CFAP74: variants seen among roughly 807,000 people sequenced by gnomAD.
The protein encoded by CFAP74 is cilia- and flagella-associated protein 74.
Under a neutral mutation model 188.9 loss-of-function variants are expected in CFAP74, and 124 were observed. The observed-to-expected ratio is 0.66, with a 90% CI of 0.57 to 0.76. The LOEUF (loss-of-function observed/expected upper bound fraction) is 0.76. CFAP74 is among the 30% of genes least tolerant of loss of function. CFAP74 has a pLI of 0.00. For missense variants in CFAP74, 2,198 were observed against 2,165.2 expected (o/e 1.02, Z -0.30); for synonymous variants, 956 against 916.7 (o/e 1.04, Z -0.77).
At chr1:1,924,101 C>T (rs1651623196) in intron 34 of CFAP74, among the ~76,000 whole-genome samples, 172 bp from the exon 35 acceptor site, 1 of 116,326 alleles carries the variant, frequency 8.6e-6, no homozygotes, top group African/African-American at 3.3e-5. Context: ...TCCAAGCGCC[C>T]ACCCCCCCCA....
chr1:1,952,988 A>G (rs185629356), intron 18 of CFAP74, among the ~76,000 whole-genome samples: 1 of 152,236 alleles, frequency 6.6e-6, no homozygotes, highest in East Asian at 1.9e-4. Context: ...GTTCTCCCCA[A>G]ATTGATCTAT....
chr1:1,964,889 T>C lies in CFAP74; in HGVS notation c.1574A>G (p.Gln525Arg). The C allele has an allele frequency of 6.2e-7, 1 of 1,613,582 alleles. No individual in the cohort carries two copies. Among genetic ancestry groups the C allele is most frequent in the Non-Finnish European group, 8.5e-7 (1 of 1,179,898 alleles). Residue 525 changes from glutamine to arginine, a missense_variant and splice_region_variant, in exon 13 of 39, where the codon CAG becomes CGG. By Grantham distance (43) the Gln-to-Arg change is conservative. Transcript: ENST00000682832. ...FNSKPELLHF[Q>R]DFDIGKVYKK... ...TTCCTGGCCCAGCTGCGGGCTCACC[T>C]GGAAGTGGAGGAGCTCCGGTTTGCT... is the stretch of plus-strand genomic sequence containing the variant.
chr1:1,974,174 G>A lies in CFAP74; in HGVS notation c.525C>T (p.Ile175=). ...GGAAGGCCTCGAGTCGCCCCTCCTG[G>A]ATCTCGATGTGCCACATGGTGTTCC... The part of the protein sequence containing the change: ...ESENTMWHIE[I]QEGRLEAFRT... The change falls in exon 7 of 39, where the codon ATC becomes ATT. Residue 175 remains isoleucine, a synonymous_variant. Transcript: ENST00000682832. 1.2e-6 allele frequency: 2 copies of A among 1,608,402 alleles called. No homozygotes were observed. The highest frequency in any genetic ancestry group is 2.2e-5 in the South Asian group (2 of 90,542).
chr1:1,937,191 A>G (rs1652959877), intron 25 of CFAP74, among the ~76,000 whole-genome samples: 1 of 152,254 alleles, frequency 6.6e-6, no homozygotes, highest in South Asian at 2.1e-4. Flanking sequence ...AGCACTGGGC[A>G]CCAAAGGCGG....
Position 1,944,415 on chromosome 1 carries a change from G to C in CFAP74, c.2402C>G (p.Pro801Arg), listed in dbSNP as rs1448762320. Residue 801 changes from proline to arginine, a missense_variant, in exon 21 of 39, where the codon CCG becomes CGG. Physicochemically the swap from Pro to Arg is moderately radical, Grantham distance 103 (BLOSUM62 -2). Transcript: ENST00000682832. ...CACGCTGGGCTTCGGCACCCAGACC[G>C]GCACATCGATGGCCACGCCCACGAC... ...FRVVGVAIDV[P>R]VWVPKPSVDL... The C allele has an allele frequency of 1.3e-6, 2 of 1,536,080 alleles. No homozygotes were observed. Among genetic ancestry groups the C allele is most frequent in the Non-Finnish European group, 1.7e-6 (2 of 1,146,882 alleles).
Position 1,939,734 on chromosome 1 carries a change from C to CT in CFAP74, c.2736_2737insA (p.Val913SerfsTer22). 1 of 1,536,066 alleles carries CT rather than the reference C, an allele frequency of 6.5e-7. No individual in the cohort carries two copies. Among genetic ancestry groups the CT allele is most frequent in the Non-Finnish European group, 8.7e-7 (1 of 1,146,878 alleles). ...CTGAGCTCCAGGTCCGAGGTGGTGA[C>CT]AATGGCATGCACGGTGAATCCCACT... On this transcript the variant is annotated frameshift_variant, in exon 24 of 39. Transcript: ENST00000682832. LOFTEE classifies it high-confidence loss of function.
intron 1 of CFAP74, among the ~76,000 whole-genome samples, 164 bp from the exon 2 acceptor site, chr1:1,991,139 T>C (rs192985012): frequency 2.6e-4 from 40 of 152,352 alleles, no homozygotes; most frequent in Non-Finnish European, 4.1e-4. Flanking sequence ...CTGGAACACA[T>C]GAAGAGCTCC....
chr1:1,985,403 G>A lies in CFAP74; in HGVS notation c.483C>T (p.Ala161=), dbSNP rs369890588. ...CGACTCACTCGCTCTCCTTCAGCACGGCCTCAGTCCTCGACTGCAGGTCTC... is the reference window on the plus strand; with the variant it reads ...CGACTCACTCGCTCTCCTTCAGCACAGCCTCAGTCCTCGACTGCAGGTCTC... The part of the protein sequence containing the change: ...NERDLQSRTE[A]VLKESENTMW... Residue 161 remains alanine, a synonymous_variant, in exon 6 of 39, where the codon GCC becomes GCT. Transcript: ENST00000682832. 5.0e-4 allele frequency: 801 copies of A among 1,613,836 alleles called. 1 individual carries two copies. The highest frequency in any genetic ancestry group is 6.3e-4 in the Non-Finnish European group (739 of 1,179,930).
intron 33 of CFAP74, among the ~76,000 whole-genome samples, chr1:1,925,014 G>A (rs1480013121): frequency 3.5e-5 from 5 of 141,600 alleles, no homozygotes; most frequent in African/African-American, 8.4e-5. Context: ...GAGGGCACAC[G>A]CTGGTGTGAA....
At chr1:1,948,479 C>G (rs368119405) in intron 18 of CFAP74, among the ~76,000 whole-genome samples, 6 of 150,884 alleles carry the variant, frequency 4.0e-5, no homozygotes, top group African/African-American at 1.5e-4. Flanking sequence ...CCAGGCTGAT[C>G]GCAAACATCT....
intron 18 of CFAP74, 123 bp downstream of exon 18, chr1:1,955,568 C>T (rs1654549624): frequency 6.2e-7 from 1 of 1,611,912 alleles, no homozygotes; most frequent in Non-Finnish European, 8.5e-7. Flanking sequence ...CGTCACTTAA[C>T]ATCGAAGGCC....
intron 20 of CFAP74, among the ~76,000 whole-genome samples, chr1:1,944,659 T>C (rs1369350128): frequency 6.6e-6 from 1 of 152,200 alleles, no homozygotes; most frequent in East Asian, 1.9e-4. Context: ...CAGGCTGGAG[T>C]GCAATGGTGC....
chr1:1,971,287 GCA>G (rs1656027776), intron 9 of CFAP74, among the ~76,000 whole-genome samples: 1 of 141,916 alleles, frequency 7.0e-6, no homozygotes, highest in South Asian at 2.3e-4. Context: ...GCACACACGT[GCA>G]CATACACGCT....
In CFAP74 at chr1:1,944,514, G is replaced by A. The variant is rs1011631071; in HGVS notation, c.2365-62C>T. On this transcript the variant is annotated intron_variant, in intron 20 of 38. Coordinates refer to ENST00000682832, the MANE Select transcript of CFAP74 (RefSeq NM_001304360.2). ...CTTGGGCACAGCAGGCATTGTTGGT[G>A]AGCACTGACACAGCTCCCAGGAGGA... 4.0e-6 allele frequency: 6 copies of A among 1,512,868 alleles called. No individual in the cohort carries two copies. In the African/African-American group the frequency reaches 8.2e-5, roughly 21 times the overall value. The allele number at this position is 1,512,868 out of a possible 1,614,324, so 93.7% of individuals were successfully genotyped here.
At chr1:1,944,114 A>G (rs1460730638) in intron 21 of CFAP74, among the ~76,000 whole-genome samples, 2 of 152,196 alleles carry the variant, frequency 1.3e-5, no homozygotes, top group Non-Finnish European at 2.9e-5. Context: ...GATGCCGTTC[A>G]GGGCCTGGAC....
At position 1,956,710 on chromosome 1, in the gene CFAP74, C is replaced by T. The variant is rs376589597; in HGVS notation, c.1926G>A (p.Leu642=). The change falls in exon 17 of 39, where the codon CTG becomes CTA. Residue 642 remains leucine (L), a synonymous_variant. Transcript: ENST00000682832. ...TCGTGCCCAAGCCCCCAACGTTGGT[C>T]AGCGTGATGGTCCGAGACGTGGTCT... is the stretch of plus-strand genomic sequence containing the variant. ...VGETTSRTIT[L]TNVGGLGTTF... 4 of 1,613,920 alleles carry T rather than the reference C, an allele frequency of 2.5e-6. No homozygotes were observed. Among genetic ancestry groups the T allele is most frequent in the South Asian group, 1.1e-5 (1 of 91,054 alleles).
In CFAP74 at chr1:1,922,735, G is replaced by T; in HGVS notation, c.4684-12C>A. ...CTGAACTCAACGGTCTGTGGGGTATGGGGCTCCTGTAGGCTGGCGACCAGG... is the reference window on the plus strand; with the variant it reads ...CTGAACTCAACGGTCTGTGGGGTATTGGGCTCCTGTAGGCTGGCGACCAGG... On this transcript the variant is annotated splice_polypyrimidine_tract_variant and intron_variant, in intron 37 of 38. Coordinates refer to ENST00000682832, the MANE Select transcript of CFAP74 (RefSeq NM_001304360.2). 6.2e-7 allele frequency: 1 copy of T among 1,602,076 alleles called. No homozygotes were observed. Among genetic ancestry groups the T allele is most frequent in the South Asian group, 1.1e-5 (1 of 89,888 alleles).
At chr1:1,929,466 G>C (rs1330230922) in intron 26 of CFAP74, among the ~76,000 whole-genome samples, 1 of 144,662 alleles carries the variant, frequency 6.9e-6, no homozygotes, top group African/African-American at 2.6e-5. Flanking sequence ...TGCATCTGCA[G>C]TAATGTGTGT....
At position 1,968,713 on chromosome 1, in the gene CFAP74, C is replaced by T. The variant is rs762857939; in HGVS notation, c.1167G>A (p.Leu389=). The change falls in exon 11 of 39, where the codon CTG becomes CTA. Residue 389 remains leucine, a synonymous_variant. Coordinates refer to ENST00000682832, the MANE Select transcript of CFAP74 (RefSeq NM_001304360.2). This position sits in a 1 kb window ranked among gnomAD's most constrained non-coding sequence, Gnocchi z 4.3. ...AGTTCCAGGTCTTGTCCCTCAGGGT[C>T]AGCCGGTGCCTGGCACTGGTGGGGG... ...QHPPTSARHR[L]TLRDKTWNYI... The T allele has an allele frequency of 1.2e-6, 2 of 1,614,178 alleles. No individual in the cohort carries two copies. The highest frequency in any genetic ancestry group is 2.2e-5 in the South Asian group (2 of 91,078).
Sources: gnomAD v4.1 joint callset for allele counts (sites outside exome capture counted in the v4.1 genomes callset) on GRCh38, gnomAD v4.1.1 for gene constraint, Gnocchi (gnomAD v3.1) non-coding constraint, MANE v1.5 for transcripts, NCBI Gene and HGNC (gene_info 2026-07-23, HGNC 2026-07-21) for gene names.